The following RERE variants were observed in gnomAD, a reference collection of about 807,000 sequenced individuals.
The protein encoded by RERE is arginine-glutamic acid dipeptide repeats.
Under a neutral mutation model 146.1 loss-of-function variants are expected in RERE, and 40 were observed. The ratio of observed to expected loss-of-function variants is 0.27; its 90% confidence interval spans 0.21 to 0.36. The LOEUF (loss-of-function observed/expected upper bound fraction) is 0.36. Ranked by LOEUF, RERE falls within the 10% of genes least tolerant of loss-of-function variation. RERE has a pLI of 1.00. For missense variants in RERE, 1,933 were observed against 2,138.7 expected, an observed-to-expected ratio of 0.90 and a Z score of 1.90; for synonymous variants, 1,003 against 866.0, an observed-to-expected ratio of 1.16 and a Z score of -2.78.
intron 1 of RERE, among the ~76,000 whole-genome samples, chr1:8,780,429 A>C (rs1557538679): frequency 6.6e-6 from 1 of 152,326 alleles, no homozygotes; most frequent in East Asian, 1.9e-4. Context: ...ATGCTCTTCA[A>C]GCCACACTGA....
chr1:8,463,580 G>C (rs529636925), intron 11 of RERE, among the ~76,000 whole-genome samples: 9 of 152,230 alleles, frequency 5.9e-5, no homozygotes, highest in African/African-American at 2.2e-4. Context: ...TCAGCAGGAA[G>C]AGAGGACTTT....
chr1:8,497,321 C>A (rs1024505129), intron 9 of RERE, 84 bp downstream of exon 9: 7 of 1,465,106 alleles, frequency 4.8e-6, no homozygotes, highest in Non-Finnish European at 5.6e-6. Flanking sequence ...GAAATAAAAT[C>A]TCAGGGGAAA....
intron 1 of RERE, among the ~76,000 whole-genome samples, chr1:8,797,905 A>C (rs559320642): frequency 2.0e-5 from 3 of 152,250 alleles, no homozygotes; most frequent in Non-Finnish European, 4.4e-5. Context: ...GAGAACTTCA[A>C]GTTCAGCCTA....
At chr1:8,663,773 C>T (rs994039780) in intron 1 of RERE, among the ~76,000 whole-genome samples, 1 of 152,132 alleles carries the variant, frequency 6.6e-6, no homozygotes, top group East Asian at 1.9e-4. Flanking sequence ...TTCACCTCTC[C>T]AGCCTCACCT....
At chr1:8,731,385 G>A (rs980804694) in intron 1 of RERE, among the ~76,000 whole-genome samples, 1 of 152,106 alleles carries the variant, frequency 6.6e-6, no homozygotes, top group African/African-American at 2.4e-5. Context: ...AAACTACTTC[G>A]CAGGAGCTTT....
At chr1:8,373,057 C>A (rs1165794320) in intron 12 of RERE, among the ~76,000 whole-genome samples, 2 of 152,214 alleles carry the variant, frequency 1.3e-5, no homozygotes, top group Non-Finnish European at 2.9e-5. Context: ...GTCAGCTGAG[C>A]AGACTGTAGT....
intron 11 of RERE, among the ~76,000 whole-genome samples, chr1:8,426,934 A>G (rs1489997369): frequency 6.6e-6 from 1 of 152,264 alleles, no homozygotes; most frequent in African/African-American, 2.4e-5. Flanking sequence ...CAAAAAGTCC[A>G]TAAACTCTTA....
chr1:8,717,581 A>G (rs1412356907), intron 1 of RERE, among the ~76,000 whole-genome samples: 2 of 152,244 alleles, frequency 1.3e-5, no homozygotes, highest in African/African-American at 4.8e-5. Context: ...AAAGTATTCA[A>G]TGACTCAAAC....
rs1364545928 is a variant in RERE at position 8,500,627 on chromosome 1, G to A, written c.880-3098C>T. Among the ~76,000 whole-genome samples the A allele has an allele frequency of 2.6e-5, 4 of 152,246 alleles. No individual in the cohort carries two copies. The South Asian group carries it at 6.2e-4, about 24-fold the overall frequency. ...CCGAGATTGCAGCCTCTGCCCGGCC[G>A]CCACCCCGTCTGGGAAGTGAGGAGC... is the stretch of plus-strand genomic sequence containing the variant. On this transcript the variant is annotated intron_variant, in intron 8 of 22. Transcript: ENST00000400908.
At chr1:8,500,017 G>A (rs1228902891) in intron 8 of RERE, among the ~76,000 whole-genome samples, 1 of 152,216 alleles carries the variant, frequency 6.6e-6, no homozygotes, top group Non-Finnish European at 1.5e-5. Flanking sequence ...CTACTTGGGA[G>A]GGTGAGGCAG....
intron 4 of RERE, among the ~76,000 whole-genome samples, chr1:8,604,495 G>A (rs1170524486): frequency 1.3e-5 from 2 of 151,936 alleles, no homozygotes; most frequent in Non-Finnish European, 2.9e-5. Context: ...CCACACAGAG[G>A]AGGTCGGCTG....
chr1:8,658,611 G>A (rs1371337190), intron 1 of RERE, among the ~76,000 whole-genome samples: 3 of 152,006 alleles, frequency 2.0e-5, no homozygotes, highest in African/African-American at 4.8e-5. Context: ...CAAAAAATTA[G>A]CCGAGCGTGG....
chr1:8,353,434 G>C lies in RERE; in HGVS notation c.*1653C>G, dbSNP rs1328254631. Reference sequence around the variant, plus strand: ...GTCCTGGATGGACTTTGTGTCCGCCGACCCAGTGTGGTCTCTGTCCTACAA... The same window carrying C: ...GTCCTGGATGGACTTTGTGTCCGCCCACCCAGTGTGGTCTCTGTCCTACAA... On this transcript the variant is annotated 3_prime_UTR_variant, in exon 23 of 23. Coordinates refer to ENST00000400908, the MANE Select transcript of RERE (RefSeq NM_001042681.2). 6.6e-6 allele frequency: 1 copy of C among 152,194 alleles called. No homozygotes were observed. The highest frequency in any genetic ancestry group is 1.5e-5 in the Non-Finnish European group (1 of 68,060). 9.4% of individuals were successfully genotyped at this position (152,194 alleles called of 1,614,324 possible).
At chr1:8,491,312 T>C (rs942606739) in intron 10 of RERE, among the ~76,000 whole-genome samples, 1 of 152,096 alleles carries the variant, frequency 6.6e-6, no homozygotes, top group Non-Finnish European at 1.5e-5. Flanking sequence ...TGGTGGCACA[T>C]GCCTGCAATC....
intron 1 of RERE, among the ~76,000 whole-genome samples, chr1:8,809,489 A>T (rs763984658): frequency 6.6e-6 from 1 of 152,236 alleles, no homozygotes; most frequent in Non-Finnish European, 1.5e-5. Context: ...TTCTTCAGAC[A>T]TGCTTTCCAG....
rs569201333 is a variant in RERE at position 8,423,703 on chromosome 1, G to C, written c.1204-896C>G. The C allele has an allele frequency of 1.0e-6, 1 of 981,588 alleles. No homozygotes were observed. The highest frequency in any genetic ancestry group is 1.2e-6 in the Non-Finnish European group (1 of 828,696). 60.8% of individuals were successfully genotyped at this position (981,588 alleles called of 1,614,324 possible). The stretch of plus-strand genomic sequence containing the variant: ...GGGCGGAGGCGGCCGCGGGTGGCTC[G>C]GCGTGTGACCGCGGCGGGGCCGCGC... On this transcript the variant is annotated intron_variant, in intron 11 of 22. Coordinates refer to ENST00000400908, the MANE Select transcript of RERE (RefSeq NM_001042681.2). This position sits in a 1 kb window ranked among gnomAD's most constrained non-coding sequence, Gnocchi z 5.4.
At chr1:8,669,185 C>CA (rs1553130818) in intron 1 of RERE, among the ~76,000 whole-genome samples, 1 of 151,422 alleles carries the variant, frequency 6.6e-6, no homozygotes, top group African/African-American at 2.4e-5. Context: ...CAATACCCCC[C>CA]CCAACTCGGC....
chr1:8,540,817 C>A (rs746840536), intron 7 of RERE, among the ~76,000 whole-genome samples: 7 of 152,136 alleles, frequency 4.6e-5, no homozygotes, highest in African/African-American at 7.2e-5. Flanking sequence ...GAGTAACCAA[C>A]AAACTTTCCA....
chr1:8,631,346 C>T (rs1442604730), intron 2 of RERE, among the ~76,000 whole-genome samples: 2 of 152,276 alleles, frequency 1.3e-5, no homozygotes, highest in African/African-American at 4.8e-5. Context: ...TTACAATGAG[C>T]TATGACTGTA....
Sources: allele counts gnomAD v4.1 joint callset (sites outside exome capture counted in the v4.1 genomes callset), GRCh38; gene constraint gnomAD v4.1.1; non-coding constraint Gnocchi (gnomAD v3.1); transcripts MANE v1.5; gene names NCBI Gene and HGNC (gene_info 2026-07-23, HGNC 2026-07-21).